Variants in TCF20 observed in about 807,000 individuals in gnomAD.
The protein encoded by TCF20 is transcription factor 20.
A neutral mutation model predicts 148.6 loss-of-function variants in TCF20; 3 were observed. The ratio of observed to expected loss-of-function variants is 0.02; its 90% CI spans 0.01 to 0.05. TCF20 has a LOEUF of 0.05. TCF20 is among the 10% of genes least tolerant of loss of function. The probability of loss-of-function intolerance (pLI) is 1.00; values close to 1 mark genes in which losing one functional copy is unlikely to be tolerated. For synonymous variants in TCF20, 1,049 were observed against 909.5 expected (o/e 1.15, Z -2.76); for missense variants, 2,350 against 2,429.3 (o/e 0.97, Z 0.69).
intron 1 of TCF20, among the ~76,000 whole-genome samples, chr22:42,231,134 C>A (rs1172306814): frequency 2.0e-5 from 3 of 152,102 alleles, no homozygotes; most frequent in Non-Finnish European, 4.4e-5. Flanking sequence ...TCCACTCCAA[C>A]CTGGGCGACA....
At position 42,212,894 on chromosome 22, in the gene TCF20, C is replaced by G; in HGVS notation, c.2412G>C (p.Leu804=). The change falls in exon 2 of 6, where the codon CTG becomes CTC. Residue 804 remains leucine, a synonymous_variant. Transcript: ENST00000677622. ...QTNELASRGL[L]NKSIGSLLEN... is the part of the protein sequence containing the mutation. The stretch of plus-strand genomic sequence containing the variant: ...CTAATAGAGACCCAATGCTTTTGTT[C>G]AGAAGGCCCCTGCTAGCTAATTCAT... 6.2e-7 allele frequency: 1 copy of G among 1,614,196 alleles called. No homozygotes were observed. Among genetic ancestry groups the G allele is most frequent in the Admixed American group, 1.7e-5 (1 of 60,034 alleles).
chr22:42,209,553 G>T, intron 2 of TCF20, 98 bp downstream of exon 2: 4 of 1,373,878 alleles, frequency 2.9e-6, no homozygotes, highest in Non-Finnish European at 4.0e-6. Flanking sequence ...ACTTTAATTT[G>T]GAGGAATAAT....
intron 1 of TCF20, among the ~76,000 whole-genome samples, chr22:42,305,881 G>C (rs2147037453): frequency 1.3e-5 from 2 of 148,472 alleles, no homozygotes; most frequent in East Asian, 4.2e-4. Flanking sequence ...GGCAGGAAAA[G>C]CCCCTCAGGA....
In TCF20 at chr22:42,336,166, G is replaced by A. The variant is rs1281462893; in HGVS notation, c.-37+7313C>T. On this transcript the variant is annotated intron_variant, in intron 1 of 1. Coordinates refer to the TCF20 transcript ENST00000515426. Reference sequence around the variant, plus strand: ...AGGCAGCAGGAGACATCACTTACACGCTCCAGCCGGGATCTGTTGGGGAGG... The same window carrying A: ...AGGCAGCAGGAGACATCACTTACACACTCCAGCCGGGATCTGTTGGGGAGG... Among the ~76,000 whole-genome samples the A allele has an allele frequency of 7.2e-5, 11 of 152,292 alleles. No homozygotes were observed. In the South Asian group the frequency reaches 1.5e-3, roughly 20 times the overall value.
intron 1 of TCF20, chr22:42,278,231 T>G (rs923448397): frequency 6.6e-6 from 1 of 152,190 alleles, no homozygotes; most frequent in African/African-American, 2.4e-5. Context: ...TAAAGTGCTC[T>G]CAAGGTTACA....
intron 2 of TCF20, among the ~76,000 whole-genome samples, chr22:42,205,538 A>G (rs1174495935): frequency 6.6e-6 from 1 of 152,242 alleles, no homozygotes; most frequent in African/African-American, 2.4e-5. Context: ...TCATTAAGCA[A>G]GACCAAAACT....
intron 1 of TCF20, among the ~76,000 whole-genome samples, chr22:42,320,307 C>T (rs1182081901): frequency 1.3e-5 from 2 of 152,206 alleles, no homozygotes; most frequent in African/African-American, 4.8e-5. Context: ...TGGAGCCGTA[C>T]AGCCTGGGTC....
intron 1 of TCF20, among the ~76,000 whole-genome samples, chr22:42,298,744 T>C (rs1927279737): frequency 6.6e-6 from 1 of 152,190 alleles, no homozygotes; most frequent in Non-Finnish European, 1.5e-5. Context: ...TTGCCTTTTG[T>C]GGGGACACCC....
intron 1 of TCF20, among the ~76,000 whole-genome samples, chr22:42,295,050 A>G (rs1370436173): frequency 1.3e-5 from 2 of 152,192 alleles, no homozygotes. Flanking sequence ...GCCATGGGCA[A>G]GGGACCTGAA....
At position 42,230,417 on chromosome 22, in the gene TCF20, C is replaced by T. The variant is rs1273822668; in HGVS notation, c.-36-15076G>A. ...ACAGTACATAATACTTGAAAATAAA[C>T]TATGTTACTGGTTTACATATCCTAT... On this transcript the variant is annotated intron_variant, in intron 1 of 5. Transcript: ENST00000677622. Among the ~76,000 whole-genome samples, 5 of 152,110 alleles carry T rather than the reference C, an allele frequency of 3.3e-5. No individual in the cohort carries two copies. In the East Asian group the frequency reaches 9.6e-4, roughly 29 times the overall value.
chr22:42,209,532 TG>T, intron 2 of TCF20, 118 bp downstream of exon 2: 1 of 1,173,418 alleles, frequency 8.5e-7, no homozygotes, highest in Non-Finnish European at 1.2e-6. Flanking sequence ...GTCCATCACA[TG>T]GGCATAGGCA....
intron 3 of TCF20, among the ~76,000 whole-genome samples, chr22:42,174,372 C>G (rs190853466): frequency 6.6e-6 from 1 of 152,140 alleles, no homozygotes; most frequent in East Asian, 1.9e-4. Flanking sequence ...GAAGCTGGAC[C>G]AGAAGGCAGG....
intron 5 of TCF20, among the ~76,000 whole-genome samples, chr22:42,162,017 A>G (rs936090729): frequency 1.0e-4 from 11 of 105,776 alleles, no homozygotes; most frequent in African/African-American, 4.4e-4. Context: ...GTCTTGCTCT[A>G]TTGCCCAGAC....
rs1244003056 is a variant in TCF20, at chr22:42,222,983, C to CA, written c.-36-7643dup. On this transcript the variant is annotated intron_variant, in intron 1 of 5. Transcript: ENST00000677622. ...GCAACATAACAAGACCCCGTCTCCA[C>CA]AAAAAATACAAAAGAATTAGCTGGG... 2.6e-5 allele frequency among the ~76,000 whole-genome samples: 4 copies of CA among 152,212 alleles called. No individual in the cohort carries two copies. In the East Asian group the frequency reaches 5.8e-4, roughly 22 times the overall value.
At chr22:42,215,398 C>A in intron 1 of TCF20, 57 bp from the exon 2 acceptor site, 2 of 1,503,406 alleles carry the variant, frequency 1.3e-6, no homozygotes, top group South Asian at 2.7e-5. Context: ...CAAATAAAAT[C>A]AAGTCTAGAT....
chr22:42,242,320 GAGA>G (rs1924513008), intron 1 of TCF20, among the ~76,000 whole-genome samples: 1 of 151,716 alleles, frequency 6.6e-6, no homozygotes, highest in Non-Finnish European at 1.5e-5. Context: ...AGTAAGTGAG[GAGA>G]AGTATTGGGA....
chr22:42,243,853 C>A (rs181101879), intron 1 of TCF20, among the ~76,000 whole-genome samples: 1 of 152,176 alleles, frequency 6.6e-6, no homozygotes, highest in African/African-American at 2.4e-5. Context: ...GAAAAATGAA[C>A]CACAATGACA....
chr22:42,290,097 C>T lies in TCF20; in HGVS notation c.-37+53382G>A, dbSNP rs1927106904. 1.3e-5 allele frequency among the ~76,000 whole-genome samples: 2 copies of T among 152,208 alleles called. No individual in the cohort carries two copies. The highest frequency in any genetic ancestry group is 2.9e-5 in the Non-Finnish European group (2 of 68,028). Reference sequence around the variant, plus strand: ...GCGCCCCCTGCACCGCCGGCTGCTGCTTGGGGAGCGGGGGTCAGCCAGGGG... The same window carrying T: ...GCGCCCCCTGCACCGCCGGCTGCTGTTTGGGGAGCGGGGGTCAGCCAGGGG... On this transcript the variant is annotated intron_variant, in intron 1 of 1. Transcript: ENST00000515426. The surrounding 1 kb of genome is among the most constrained non-coding windows in gnomAD (Gnocchi z 4.2).
At position 42,317,242 on chromosome 22, in the gene TCF20, CTCCCAGCTTGAATGTCGGAGG is replaced by C. The variant is rs1403819474; in HGVS notation, c.-37+26216_-37+26236del. 6.6e-6 allele frequency among the ~76,000 whole-genome samples: 1 copy of C among 152,164 alleles called. No individual in the cohort carries two copies. The highest frequency in any genetic ancestry group is 1.9e-4 in the East Asian group (1 of 5,190). Reference sequence around the variant, plus strand: ...AATTATCTCATTTAGCCACAGAGCACTCCCAGCTTGAATGTCGGAGGTTCAGCCAAGAGCCCTAGCGTGGAA... The same window carrying C: ...AATTATCTCATTTAGCCACAGAGCACTTCAGCCAAGAGCCCTAGCGTGGAA... On this transcript the variant is annotated intron_variant, in intron 1 of 1. Coordinates refer to the TCF20 transcript ENST00000515426. The surrounding 1 kb of genome is among the most constrained non-coding windows in gnomAD (Gnocchi z 4.2).
Sources: allele counts gnomAD v4.1 joint callset (sites outside exome capture counted in the v4.1 genomes callset), GRCh38; gene constraint gnomAD v4.1.1; non-coding constraint Gnocchi (gnomAD v3.1); transcripts MANE v1.5; gene names NCBI Gene and HGNC (gene_info 2026-07-23, HGNC 2026-07-21).